The following MFSD2B variants were observed in gnomAD, a reference collection of about 807,000 sequenced individuals.
MFSD2B encodes MFSD2 lysolipid transporter B, sphingolipid, also known as sphingosine-1-phosphate transporter MFSD2B.
MFSD2B carries 56 observed loss-of-function variants against 58.4 expected under a neutral mutation model. The observed-to-expected ratio is 0.96, with a 90% CI of 0.77 to 1.20. The LOEUF (loss-of-function observed/expected upper bound fraction) is 1.20. Ranked by LOEUF, MFSD2B falls within the 50% of genes most tolerant of loss-of-function variation. The pLI, the probability that MFSD2B is intolerant of heterozygous loss-of-function variation, is 0.00. For missense variants in MFSD2B, 645 were observed against 667.6 expected, an observed-to-expected ratio of 0.97 and a Z score of 0.37; for synonymous variants, 287 against 294.4, an observed-to-expected ratio of 0.97 and a Z score of 0.26.
Position 24,021,991 on chromosome 2 carries a change from C to T in MFSD2B, c.894+21C>T. The T allele has an allele frequency of 1.9e-6, 3 of 1,613,856 alleles. No individual in the cohort carries two copies. Among genetic ancestry groups the T allele is most frequent in the Non-Finnish European group, 2.5e-6 (3 of 1,179,818 alleles). The stretch of plus-strand genomic sequence containing the variant: ...TTCAGGTACCTCTGGCCAGCTGCCC[C>T]CGACAGGCTTGGTGCTGGCCATGCT... On this transcript the variant is annotated intron_variant, in intron 8 of 13. Transcript: ENST00000338315. The surrounding 1 kb of genome is among the most constrained non-coding windows in gnomAD (Gnocchi z 5.7).
rs964259307 is a variant in MFSD2B at position 24,010,145 on chromosome 2, CCGCA to C, written c.53_56del (p.His18ProfsTer38). The C allele has an allele frequency of 1.2e-5, 17 of 1,463,656 alleles. No homozygotes were observed. Among genetic ancestry groups the C allele is most frequent in the Non-Finnish European group, 1.5e-5 (17 of 1,114,292 alleles). 90.7% of individuals were successfully genotyped at this position (1,463,656 alleles called of 1,614,324 possible). On this transcript the variant is annotated frameshift_variant, in exon 1 of 14. Coordinates refer to ENST00000338315, the MANE Select transcript of MFSD2B (RefSeq NM_001346880.2). LOFTEE classifies it high-confidence loss of function. ...CGCCAAGGGGTCCCCGCAGCCGGAGCCGCACGCCCCAGAGCCCGGCCCGGGGAGC... is the reference window on the plus strand; with the variant it reads ...CGCCAAGGGGTCCCCGCAGCCGGAGCCGCCCCAGAGCCCGGCCCGGGGAGC...
At position 24,010,140 on chromosome 2, in the gene MFSD2B, C is replaced by T. The variant is rs921946640; in HGVS notation, c.44C>T (p.Pro15Leu). Residue 15 changes from proline to leucine, a missense_variant, in exon 1 of 14, where the codon CCG becomes CTG. Physicochemically the swap from Pro to Leu is moderately conservative, Grantham distance 98. Coordinates refer to ENST00000338315, the MANE Select transcript of MFSD2B (RefSeq NM_001346880.2). ...CCAGCCGCCAAGGGGTCCCCGCAGC[C>T]GGAGCCGCACGCCCCAGAGCCCGGC... ...PAPAAKGSPQ[P>L]EPHAPEPGPG... 5.5e-6 allele frequency: 8 copies of T among 1,463,400 alleles called. No homozygotes were observed. The African/African-American group carries it at 5.9e-5, about 11-fold the overall frequency. 90.7% of individuals were successfully genotyped at this position (1,463,400 alleles called of 1,614,324 possible). A position where few individuals can be genotyped will look rare whatever the true frequency, so the allele number is the denominator to read the frequency against.
rs202134245 is a variant in MFSD2B at position 24,024,286 on chromosome 2, C to A, written c.1490+15C>A. On this transcript the variant is annotated intron_variant, in intron 13 of 13. Coordinates refer to ENST00000338315, the MANE Select transcript of MFSD2B (RefSeq NM_001346880.2). This position sits in a 1 kb window ranked among gnomAD's most constrained non-coding sequence, Gnocchi z 4.3. ...AGCCTTCGGAGGTAAGCCCCGCACGCCCCCTGCAGCCAGCGAGGCACAGTG... is the reference window on the plus strand; with the variant it reads ...AGCCTTCGGAGGTAAGCCCCGCACGACCCCTGCAGCCAGCGAGGCACAGTG... 1.3e-6 allele frequency: 2 copies of A among 1,584,666 alleles called. No homozygotes were observed.
Position 24,022,030 on chromosome 2 carries a change from T to A in MFSD2B, c.894+60T>A. ...GCTGGCCATGCTGACCTTGCATAGG[T>A]TCAGGGTGCAGTCTTGGCTTGAGTT... On this transcript the variant is annotated intron_variant, in intron 8 of 13. Coordinates refer to ENST00000338315, the MANE Select transcript of MFSD2B (RefSeq NM_001346880.2). The surrounding 1 kb of genome is among the most constrained non-coding windows in gnomAD (Gnocchi z 4.5). 6.2e-7 allele frequency: 1 copy of A among 1,605,944 alleles called. No individual in the cohort carries two copies. Among genetic ancestry groups the A allele is most frequent in the Non-Finnish European group, 8.5e-7 (1 of 1,173,876 alleles).
intron 2 of MFSD2B, among the ~76,000 whole-genome samples, chr2:24,014,463 C>A (rs534027331): frequency 6.2e-4 from 95 of 152,298 alleles, no homozygotes; most frequent in African/African-American, 2.2e-3. Flanking sequence ...CAAGACAATT[C>A]TTCTTCTTCC....
chr2:24,012,280 T>G lies in MFSD2B; in HGVS notation c.97-1005T>G, dbSNP rs1422869800. 6.6e-6 allele frequency among the ~76,000 whole-genome samples: 1 copy of G among 152,104 alleles called. No individual in the cohort carries two copies. Among genetic ancestry groups the G allele is most frequent in the Non-Finnish European group, 1.5e-5 (1 of 68,026 alleles). ...TTATTTATTTATTTATGACTGAGTC[T>G]CTGTCACCCAGGCTGGAGTGCAGTG... is the stretch of plus-strand genomic sequence containing the variant. On this transcript the variant is annotated intron_variant, in intron 1 of 13. Transcript: ENST00000338315. This position sits in a 1 kb window ranked among gnomAD's most constrained non-coding sequence, Gnocchi z 4.5.
In MFSD2B at chr2:24,022,543, T is replaced by G. The variant is rs146632569; in HGVS notation, c.978+27T>G. On this transcript the variant is annotated intron_variant, in intron 9 of 13. Coordinates refer to ENST00000338315, the MANE Select transcript of MFSD2B (RefSeq NM_001346880.2). This position sits in a 1 kb window ranked among gnomAD's most constrained non-coding sequence, Gnocchi z 4.5. ...TGAGGGGGCCTGGGGTGGTGGAGGC[T>G]AGGTCACTTGGGGCCCTGAGCTGGG... 13 of 1,586,142 alleles carry G rather than the reference T, an allele frequency of 8.2e-6. No individual in the cohort carries two copies. The African/African-American group carries it at 1.6e-4, about 20-fold the overall frequency.
In MFSD2B at chr2:24,021,587, C is replaced by T. The variant is rs1662787434; in HGVS notation, c.682-61C>T. The T allele has an allele frequency of 9.5e-6, 14 of 1,481,216 alleles. No homozygotes were observed. The highest frequency in any genetic ancestry group is 1.4e-5 in the African/African-American group (1 of 72,182). 91.8% of individuals were successfully genotyped at this position (1,481,216 alleles called of 1,614,324 possible). A position where few individuals can be genotyped will look rare whatever the true frequency, so the allele number is the denominator to read the frequency against. On this transcript the variant is annotated intron_variant, in intron 6 of 13. Transcript: ENST00000338315. This position sits in a 1 kb window ranked among gnomAD's most constrained non-coding sequence, Gnocchi z 5.7. ...GGGAGGCAGTACTGCCCTGCCCCTC[C>T]GGTGTCACCACCTCCAGGGGTTGAA...
chr2:24,011,467 G>A (rs1368125342), intron 1 of MFSD2B, among the ~76,000 whole-genome samples: 1 of 152,130 alleles, frequency 6.6e-6, no homozygotes, highest in African/African-American at 2.4e-5. Flanking sequence ...TTCCCCTGTG[G>A]GTAGGAAGAG....
rs947134571 is a variant in MFSD2B, at chr2:24,010,200, G to T, written c.96+8G>T. The T allele has an allele frequency of 2.2e-6, 3 of 1,382,182 alleles. No individual in the cohort carries two copies. The highest frequency in any genetic ancestry group is 3.0e-5 in the African/African-American group (2 of 65,750). 85.6% of individuals were successfully genotyped at this position (1,382,182 alleles called of 1,614,324 possible). On this transcript the variant is annotated splice_region_variant and intron_variant, in intron 1 of 13. Transcript: ENST00000338315. Reference sequence around the variant, plus strand: ...GCCAAGCGAGGGCGAGAGGTGAGCGGGGCGGCGGGGACCGGGAAGGGGCTG... The same window carrying T: ...GCCAAGCGAGGGCGAGAGGTGAGCGTGGCGGCGGGGACCGGGAAGGGGCTG...
Position 24,024,877 on chromosome 2 carries a change from C to T in MFSD2B, c.1491-555C>T, listed in dbSNP as rs950218617. On this transcript the variant is annotated intron_variant, in intron 13 of 13. Transcript: ENST00000338315. This position sits in a 1 kb window ranked among gnomAD's most constrained non-coding sequence, Gnocchi z 4.3. The stretch of plus-strand genomic sequence containing the variant: ...CCTGGTCCTTCCCCTACCAGAACAC[C>T]GACCCCACTGACGGGGAGGATCTAC... Among the ~76,000 whole-genome samples, 1 of 152,136 alleles carries T rather than the reference C, an allele frequency of 6.6e-6. No homozygotes were observed. Among genetic ancestry groups the T allele is most frequent in the Non-Finnish European group, 1.5e-5 (1 of 68,016 alleles).
rs1708989464 is a variant in MFSD2B at position 24,012,361 on chromosome 2, C to T, written c.97-924C>T. Among the ~76,000 whole-genome samples the T allele has an allele frequency of 6.6e-6, 1 of 152,150 alleles. No individual in the cohort carries two copies. Among genetic ancestry groups the T allele is most frequent in the African/African-American group, 2.4e-5 (1 of 41,446 alleles). ...TCCCTGGTTCAAGCAATTCTCTTGCCTCAGCCTCCTGAGTAGCTGGGATTA... is the reference window on the plus strand; with the variant it reads ...TCCCTGGTTCAAGCAATTCTCTTGCTTCAGCCTCCTGAGTAGCTGGGATTA... On this transcript the variant is annotated intron_variant, in intron 1 of 13. Coordinates refer to ENST00000338315, the MANE Select transcript of MFSD2B (RefSeq NM_001346880.2). This position sits in a 1 kb window ranked among gnomAD's most constrained non-coding sequence, Gnocchi z 4.5.
chr2:24,024,439 G>A lies in MFSD2B; in HGVS notation c.1490+168G>A. 1.5e-6 allele frequency: 1 copy of A among 684,252 alleles called. No individual in the cohort carries two copies. Among genetic ancestry groups the A allele is most frequent in the Non-Finnish European group, 2.4e-6 (1 of 413,142 alleles). The allele number at this position is 684,252 out of a possible 1,614,324, so 42.4% of individuals were successfully genotyped here. On this transcript the variant is annotated intron_variant, in intron 13 of 13. Transcript: ENST00000338315. The surrounding 1 kb of genome is among the most constrained non-coding windows in gnomAD (Gnocchi z 4.3). The stretch of plus-strand genomic sequence containing the variant: ...CTCCTGGATTTTCTTCTCCCACTCT[G>A]GCCACCCCTTCTCAGTCTTCTTCCT...
chr2:24,020,501 T>C lies in MFSD2B; in HGVS notation c.682-1147T>C, dbSNP rs946883786. Among the ~76,000 whole-genome samples, 4 of 152,098 alleles carry C rather than the reference T, an allele frequency of 2.6e-5. No individual in the cohort carries two copies. The highest frequency in any genetic ancestry group is 4.4e-5 in the Non-Finnish European group (3 of 67,956). On this transcript the variant is annotated intron_variant, in intron 6 of 13. Transcript: ENST00000338315. The surrounding 1 kb of genome is among the most constrained non-coding windows in gnomAD (Gnocchi z 4.1). ...CCGAACTGGCTGTGACTCTCGTGCA[T>C]GTCTTTATAGGCATTTTAATGCATA...
chr2:24,023,947 T>C lies in MFSD2B; in HGVS notation c.1314-148T>C. 1 of 942,248 alleles carries C rather than the reference T, an allele frequency of 1.1e-6. No homozygotes were observed. Among genetic ancestry groups the C allele is most frequent in the Non-Finnish European group, 1.6e-6 (1 of 633,506 alleles). The allele number at this position is 942,248 out of a possible 1,614,324, so 58.4% of individuals were successfully genotyped here. ...CCCTCTAAACTCTCCCAGGTCAGCC[T>C]GTCACCTTGACACTCCTCTCCTGAT... On this transcript the variant is annotated intron_variant, in intron 12 of 13. Transcript: ENST00000338315. The surrounding 1 kb of genome is among the most constrained non-coding windows in gnomAD (Gnocchi z 5.0).
rs1366942289 is a variant in MFSD2B, at chr2:24,016,062, T to C, written c.223-94T>C. 4 of 1,507,254 alleles carry C rather than the reference T, an allele frequency of 2.7e-6. No homozygotes were observed. In the African/African-American group the frequency reaches 5.5e-5, roughly 21 times the overall value. 93.4% of individuals were successfully genotyped at this position (1,507,254 alleles called of 1,614,324 possible). A position where few individuals can be genotyped will look rare whatever the true frequency, so the allele number is the denominator to read the frequency against. Reference sequence around the variant, plus strand: ...CTGTGGCTCTGCCCTCCGGTCCCGGTTCCCAGGCCTCCCTCTTGATGGCAA... The same window carrying C: ...CTGTGGCTCTGCCCTCCGGTCCCGGCTCCCAGGCCTCCCTCTTGATGGCAA... On this transcript the variant is annotated intron_variant, in intron 2 of 13. Coordinates refer to ENST00000338315, the MANE Select transcript of MFSD2B (RefSeq NM_001346880.2).
chr2:24,022,317 G>A lies in MFSD2B; in HGVS notation c.895-116G>A, dbSNP rs1432983360. 3.6e-6 allele frequency: 3 copies of A among 827,510 alleles called. No homozygotes were observed. The highest frequency in any genetic ancestry group is 6.1e-6 in the Non-Finnish European group (3 of 495,158). The allele number at this position is 827,510 out of a possible 1,614,324, so 51.3% of individuals were successfully genotyped here. ...TTTGTGGGGGAAGGGACTGTATGATGGTAGCAGCAAGCCAAGGTCCCAATG... is the reference window on the plus strand; with the variant it reads ...TTTGTGGGGGAAGGGACTGTATGATAGTAGCAGCAAGCCAAGGTCCCAATG... On this transcript the variant is annotated intron_variant, in intron 8 of 13. Coordinates refer to ENST00000338315, the MANE Select transcript of MFSD2B (RefSeq NM_001346880.2). This position sits in a 1 kb window ranked among gnomAD's most constrained non-coding sequence, Gnocchi z 4.5.
chr2:24,014,012 GTTGT>G (rs1161690417), intron 2 of MFSD2B, among the ~76,000 whole-genome samples: 1 of 138,048 alleles, frequency 7.2e-6, no homozygotes, highest in South Asian at 2.4e-4. Context: ...CGGCTAATTT[GTTGT>G]TTGTTTTTTT....
Position 24,021,754 on chromosome 2 carries a change from A to G in MFSD2B, c.772+16A>G, listed in dbSNP as rs1225815781. On this transcript the variant is annotated intron_variant, in intron 7 of 13. Transcript: ENST00000338315. This position sits in a 1 kb window ranked among gnomAD's most constrained non-coding sequence, Gnocchi z 5.7. ...GAGCGGCCAGGTATGGGGTTTGGTG[A>G]GGAGGGAAGCAGAAGCTGGGGGCAG... 1 of 1,612,834 alleles carries G rather than the reference A, an allele frequency of 6.2e-7. No individual in the cohort carries two copies. Among genetic ancestry groups the G allele is most frequent in the Admixed American group, 1.7e-5 (1 of 59,742 alleles).
Sources: gnomAD v4.1 joint callset for allele counts (sites outside exome capture counted in the v4.1 genomes callset) on GRCh38, gnomAD v4.1.1 for gene constraint, Gnocchi (gnomAD v3.1) non-coding constraint, MANE v1.5 for transcripts, NCBI Gene and HGNC (gene_info 2026-07-23, HGNC 2026-07-21) for gene names.